The following RANBP2 variants were observed in gnomAD, a reference collection of about 807,000 sequenced individuals.
The protein encoded by RANBP2 is E3 SUMO-protein ligase RanBP2.
A neutral mutation model predicts 303.6 loss-of-function variants in RANBP2; 57 were observed. The ratio of observed to expected loss-of-function variants is 0.19; its 90% CI spans 0.15 to 0.23. The LOEUF (loss-of-function observed/expected upper bound fraction) is 0.23, where lower values mean the gene tolerates loss of function less well. RANBP2 is among the 10% of genes least tolerant of loss of function. The pLI is 1.00. For missense variants in RANBP2, 3,138 were observed against 3,780.8 expected, an observed-to-expected ratio of 0.83 and a Z score of 4.46; for synonymous variants, 1,167 against 1,301.5, an observed-to-expected ratio of 0.90 and a Z score of 2.23.
At chr2:109,085,221 C>T in the RANBP2 span, among the ~76,000 whole-genome samples, 1 of 152,216 alleles carries the variant, frequency 6.6e-6, no homozygotes, top group Non-Finnish European at 1.5e-5. Context: ...CTCCACCACT[C>T]CATAGCAGGG....
At chr2:108,872,980 G>A in the RANBP2 span, among the ~76,000 whole-genome samples, 5 of 151,862 alleles carry the variant, frequency 3.3e-5, no homozygotes, top group Non-Finnish European at 5.9e-5. Context: ...TTCCCTTTTT[G>A]CTTTTATGCT....
the RANBP2 span, among the ~76,000 whole-genome samples, chr2:109,183,220 A>G: frequency 1.3e-5 from 2 of 152,356 alleles, no homozygotes; most frequent in African/African-American, 4.8e-5. Flanking sequence ...GCCTTCTTGT[A>G]TACTGATTCT....
chr2:109,585,217 G>C, the RANBP2 span: 1 of 1,612,744 alleles, frequency 6.2e-7, no homozygotes. Flanking sequence ...TCATATGTCT[G>C]AGCTTTAAGT....
At chr2:109,347,439 G>A in the RANBP2 span, among the ~76,000 whole-genome samples, 1 of 152,022 alleles carries the variant, frequency 6.6e-6, no homozygotes. Context: ...CTCAGACAGT[G>A]TCCTTTTTAG....
chr2:109,028,012 G>A, the RANBP2 span, among the ~76,000 whole-genome samples: 1 of 152,214 alleles, frequency 6.6e-6, no homozygotes. Flanking sequence ...GCTCACGCCT[G>A]TAATTCCAGC....
the RANBP2 span, chr2:109,129,171 G>A: frequency 4.6e-6 from 2 of 431,472 alleles, no homozygotes; most frequent in African/African-American, 2.1e-5. Context: ...ACTTCCTGCC[G>A]CTGGTCTCCC....
the RANBP2 span, among the ~76,000 whole-genome samples, chr2:109,424,398 C>T: frequency 6.6e-6 from 1 of 152,228 alleles, no homozygotes; most frequent in Admixed American, 6.5e-5. Flanking sequence ...AGTGGTGGGG[C>T]TTCAGCCTCA....
At chr2:109,687,116 A>AT in the RANBP2 span, among the ~76,000 whole-genome samples, 47 of 151,526 alleles carry the variant, frequency 3.1e-4, no homozygotes, top group Non-Finnish European at 5.9e-4. Flanking sequence ...AGAACATCTG[A>AT]TTTTTTTTTC....
At chr2:109,736,394 C>A in the RANBP2 span, among the ~76,000 whole-genome samples, 1 of 152,222 alleles carries the variant, frequency 6.6e-6, no homozygotes, top group East Asian at 1.9e-4. Context: ...CAGGACGCCA[C>A]ATCTGGAAGC....
chr2:108,782,741 A>C lies in RANBP2; in HGVS notation c.9248A>C (p.Glu3083Ala). 1 of 1,614,176 alleles carries C rather than the reference A, an allele frequency of 6.2e-7. No individual in the cohort carries two copies. Among genetic ancestry groups the C allele is most frequent in the South Asian group, 1.1e-5 (1 of 91,084 alleles). The change falls in exon 28 of 29, where the codon GAA (glutamate) becomes GCA (alanine). Residue 3083 changes from glutamate (E) to alanine (A), a missense_variant. Physicochemically the swap from Glu to Ala is moderately radical, Grantham distance 107. Around this residue, in one of 20 missense-constraint regions of RANBP2, gnomAD observed 204 missense variants for 228.4 expected, o/e 0.89. Transcript: ENST00000283195. The part of the protein sequence containing the change: ...DGEPLGRITM[E>A]LFSNIVPRTA... Reference sequence around the variant, plus strand: ...GAACCTCTAGGGCGGATAACTATGGAATTATTTTCAAACATTGTTCCTCGG... The same window carrying C: ...GAACCTCTAGGGCGGATAACTATGGCATTATTTTCAAACATTGTTCCTCGG...
chr2:108,812,691 C>A, the RANBP2 span: 1 of 1,610,000 alleles, frequency 6.2e-7, no homozygotes, highest in South Asian at 1.1e-5. Flanking sequence ...AGTTCAAGCT[C>A]GTTTAGATAA....
chr2:109,164,954 C>T, the RANBP2 span, among the ~76,000 whole-genome samples: 3 of 152,138 alleles, frequency 2.0e-5, no homozygotes, highest in Non-Finnish European at 2.9e-5. Context: ...ATGGGGAGGT[C>T]GTAATTGTTT....
In RANBP2 at chr2:108,766,429, A is replaced by C. The variant is rs1397606407; in HGVS notation, c.5890A>C (p.Lys1964Gln). 2.5e-6 allele frequency: 4 copies of C among 1,611,956 alleles called. No homozygotes were observed. The highest frequency in any genetic ancestry group is 3.4e-6 in the Non-Finnish European group (4 of 1,179,842). The change falls in exon 20 of 29, where the codon AAA (lysine) becomes CAA (glutamine). Residue 1964 changes from lysine (K) to glutamine (Q), a missense_variant. Lys to Gln is a moderately conservative substitution (Grantham distance 53, BLOSUM62 1). Around this residue, in one of 20 missense-constraint regions of RANBP2, gnomAD observed 348 missense variants for 360.4 expected, o/e 0.97. Coordinates refer to ENST00000283195, the MANE Select transcript of RANBP2 (RefSeq NM_006267.5). ...AGGAGAAGGATTTCAGTTTGGCAAA[A>C]AAGACCCCAATTTCAAGGGATTTTC... The part of the protein sequence containing the change: ...TSGEGFQFGK[K>Q]DPNFKGFSGA...
At chr2:109,763,632 A>G in the RANBP2 span, among the ~76,000 whole-genome samples, 1 of 150,316 alleles carries the variant, frequency 6.7e-6, no homozygotes, top group Non-Finnish European at 1.5e-5. Flanking sequence ...CATAGTTAGG[A>G]AAGTATACCT....
At chr2:109,089,040 C>G in the RANBP2 span, among the ~76,000 whole-genome samples, 1 of 152,022 alleles carries the variant, frequency 6.6e-6, no homozygotes, top group Non-Finnish European at 1.5e-5. Flanking sequence ...GGAGCAAACT[C>G]GAGTTCTTTC....
chr2:109,069,650 A>T, the RANBP2 span, among the ~76,000 whole-genome samples: 2 of 152,226 alleles, frequency 1.3e-5, no homozygotes, highest in African/African-American at 4.8e-5. Context: ...CTCAGTGGGG[A>T]TTAAGGCTGA....
chr2:108,844,433 G>A, the RANBP2 span, among the ~76,000 whole-genome samples: 3,031 of 151,972 alleles, frequency 0.02, 98 homozygotes, highest in African/African-American at 0.07. Context: ...AAGACTTTCT[G>A]TGTCTTCGAT....
the RANBP2 span, among the ~76,000 whole-genome samples, chr2:108,828,823 C>G: frequency 6.6e-6 from 1 of 151,638 alleles, no homozygotes; most frequent in Non-Finnish European, 1.5e-5. Context: ...CTAAAAATAC[C>G]AAAAATTAGC....
At chr2:108,961,500 G>A in the RANBP2 span, among the ~76,000 whole-genome samples, 1 of 152,220 alleles carries the variant, frequency 6.6e-6, no homozygotes, top group Non-Finnish European at 1.5e-5. Flanking sequence ...TCAGAGGGAG[G>A]TAGAGCTCCT....
Sources: gnomAD v4.1 joint callset for allele counts (sites outside exome capture counted in the v4.1 genomes callset) on GRCh38, gnomAD v4.1.1 for gene constraint, gnomAD v4.1.1 regional missense constraint, MANE v1.5 for transcripts, NCBI Gene and HGNC (gene_info 2026-07-23, HGNC 2026-07-21) for gene names.